The following EHBP1 variants were observed in gnomAD, a reference collection of about 807,000 sequenced individuals.
The protein encoded by EHBP1 is EH domain binding protein 1.
Under a neutral mutation model 144.0 loss-of-function variants are expected in EHBP1, and 55 were observed. The observed-to-expected ratio is 0.38, with a 90% CI of 0.31 to 0.48. The LOEUF is 0.48. Among genes scored for constraint, EHBP1 ranks in the 20% least tolerant of loss-of-function variants. The pLI is 0.98. For synonymous variants in EHBP1, 469 were observed against 472.7 expected (o/e 0.99, Z 0.10); for missense variants, 1,200 against 1,364.2 (o/e 0.88, Z 1.90).
intron 3 of EHBP1, among the ~76,000 whole-genome samples, chr2:62,752,602 G>T (rs988427395): frequency 2.0e-5 from 3 of 152,102 alleles, no homozygotes; most frequent in African/African-American, 7.2e-5. Flanking sequence ...CATTATTATT[G>T]TGTGGGAGTC....
chr2:62,809,489 T>G (rs1185139981), intron 5 of EHBP1, among the ~76,000 whole-genome samples: 1 of 152,000 alleles, frequency 6.6e-6, no homozygotes, highest in Non-Finnish European at 1.5e-5. Flanking sequence ...TGGAGTTTTT[T>G]TGTTTTTTGT....
chr2:63,017,114 A>G (rs1200847547), intron 19 of EHBP1, among the ~76,000 whole-genome samples: 1 of 152,236 alleles, frequency 6.6e-6, no homozygotes, highest in African/African-American at 2.4e-5. Flanking sequence ...GAATGAGGAC[A>G]CTATGGCTTT....
intron 10 of EHBP1, among the ~76,000 whole-genome samples, chr2:62,896,056 A>T (rs1268819625): frequency 6.6e-6 from 1 of 152,226 alleles, no homozygotes; most frequent in East Asian, 1.9e-4. Flanking sequence ...GATATAATAG[A>T]CACAGTTTCT....
chr2:62,694,151 C>T (rs939383646), intron 1 of EHBP1, among the ~76,000 whole-genome samples: 1 of 152,116 alleles, frequency 6.6e-6, no homozygotes, highest in Non-Finnish European at 1.5e-5. Context: ...GAAATTATTG[C>T]AAGTCATGGG....
At chr2:62,677,873 T>TCCCC (rs2033363492) in intron 1 of EHBP1, among the ~76,000 whole-genome samples, 5 of 152,208 alleles carry the variant, frequency 3.3e-5, no homozygotes. Flanking sequence ...ACATTTTCTT[T>TCCCC]ATTCATCTGT....
rs115548640 is a variant in EHBP1 at position 62,821,117 on chromosome 2, A to G, written c.313-4970A>G. Among the ~76,000 whole-genome samples the G allele has an allele frequency of 3.2e-3, 485 of 152,182 alleles. 4 individuals carry two copies. Among genetic ancestry groups the G allele is most frequent in the African/African-American group, 0.011 (458 of 41,542 alleles). On this transcript the variant is annotated intron_variant, in intron 5 of 22. Transcript: ENST00000431489. ...ATGACAGAATCTTATAGAACAGTCT[A>G]TGTAATAAAGCCCTGAAAAATTATA...
chr2:62,774,714 A>G (rs909541071), intron 5 of EHBP1, among the ~76,000 whole-genome samples: 5 of 152,002 alleles, frequency 3.3e-5, no homozygotes, highest in African/African-American at 9.7e-5. Flanking sequence ...ACGTGGTGGC[A>G]TATGCTTGTG....
chr2:62,701,190 G>A (rs1435343411), upstream of EHBP1, among the ~76,000 whole-genome samples: 2 of 151,894 alleles, frequency 1.3e-5, no homozygotes, highest in Non-Finnish European at 2.9e-5. Context: ...TATAATGTGA[G>A]GCATATATAT....
intron 7 of EHBP1, among the ~76,000 whole-genome samples, chr2:62,856,857 G>A (rs937665392): frequency 1.3e-5 from 2 of 152,186 alleles, no homozygotes; most frequent in African/African-American, 4.8e-5. Context: ...TAAGCTGACC[G>A]TGACATAGTG....
intron 2 of EHBP1, among the ~76,000 whole-genome samples, chr2:62,719,888 A>T (rs1448228631): frequency 6.6e-6 from 1 of 152,176 alleles, no homozygotes; most frequent in Non-Finnish European, 1.5e-5. Context: ...CTCCACTGAT[A>T]CTAATGGAAG....
At chr2:62,695,151 C>T (rs1366911768) in intron 1 of EHBP1, among the ~76,000 whole-genome samples, 1 of 152,064 alleles carries the variant, frequency 6.6e-6, no homozygotes, top group Non-Finnish European at 1.5e-5. Flanking sequence ...CGGCTTGAGC[C>T]CAGGAGTTTG....
intron 19 of EHBP1, among the ~76,000 whole-genome samples, chr2:63,006,735 G>C (rs1040685248): frequency 6.6e-6 from 1 of 151,598 alleles, no homozygotes; most frequent in Non-Finnish European, 1.5e-5. Flanking sequence ...AATAGAATAC[G>C]TGCCATTTTT....
intron 7 of EHBP1, among the ~76,000 whole-genome samples, chr2:62,853,308 G>T (rs141659357): frequency 2.2e-4 from 33 of 152,092 alleles, no homozygotes; most frequent in African/African-American, 7.5e-4. Flanking sequence ...ATTATGTCAC[G>T]GCATCTTCAC....
At chr2:62,798,141 C>T (rs1050789967) in intron 5 of EHBP1, among the ~76,000 whole-genome samples, 11 of 152,018 alleles carry the variant, frequency 7.2e-5, no homozygotes, top group African/African-American at 2.4e-4. Flanking sequence ...CCGAGGGAGG[C>T]GGATCACTTA....
intron 10 of EHBP1, among the ~76,000 whole-genome samples, chr2:62,879,977 A>C (rs1028440674): frequency 2.0e-5 from 3 of 152,242 alleles, no homozygotes; most frequent in Non-Finnish European, 4.4e-5. Context: ...ACTATACTAG[A>C]AGGGTACAGT....
intron 2 of EHBP1, among the ~76,000 whole-genome samples, chr2:62,743,115 A>G (rs893987090): frequency 9.9e-5 from 15 of 152,094 alleles, no homozygotes; most frequent in Non-Finnish European, 2.2e-4. Flanking sequence ...ATTAAAATCT[A>G]TATGAAATAA....
intron 14 of EHBP1, among the ~76,000 whole-genome samples, chr2:62,974,067 T>C (rs991661675): frequency 2.0e-5 from 3 of 152,230 alleles, no homozygotes; most frequent in Non-Finnish European, 4.4e-5. Context: ...TATGATTTTC[T>C]TGCATCTTCA....
Position 62,965,919 on chromosome 2 carries a change from A to G in EHBP1, c.2460+10259A>G, listed in dbSNP as rs564651090. ...TATTTCCTCCAAAATGAGGGAAAAT[A>G]CAGTGTCTTTTTACAACTAGATTTT... On this transcript the variant is annotated intron_variant, in intron 14 of 22. Transcript: ENST00000431489. Among the ~76,000 whole-genome samples the G allele has an allele frequency of 5.0e-4, 76 of 152,298 alleles. 1 individual carries two copies. The highest frequency in any genetic ancestry group is 2.6e-4 in the Admixed American group (4 of 15,274).
chr2:62,881,438 A>G (rs1435198617), intron 10 of EHBP1, among the ~76,000 whole-genome samples: 1 of 151,228 alleles, frequency 6.6e-6, no homozygotes, highest in Non-Finnish European at 1.5e-5. Flanking sequence ...AAAAAAAAAA[A>G]AGAAGGAAAG....
Sources: gnomAD v4.1 joint callset for allele counts (sites outside exome capture counted in the v4.1 genomes callset) on GRCh38, gnomAD v4.1.1 for gene constraint, MANE v1.5 for transcripts, NCBI Gene and HGNC (gene_info 2026-07-23, HGNC 2026-07-21) for gene names.